Variants in ARFGEF3 observed in about 807,000 individuals in gnomAD.
ARFGEF3 encodes the protein ARFGEF family member 3.
In ARFGEF3, 96 loss-of-function variants were observed where a neutral mutation model predicts 221.7. The observed-to-expected ratio is 0.43, with a 90% CI of 0.37 to 0.51. ARFGEF3 has a LOEUF of 0.51. Ranked by LOEUF, ARFGEF3 falls within the 20% of genes least tolerant of loss-of-function variation. The probability of loss-of-function intolerance (pLI) is 0.00; values close to 1 mark genes in which losing one functional copy is unlikely to be tolerated. For synonymous variants in ARFGEF3, 1,145 were observed against 1,126.8 expected, an observed-to-expected ratio of 1.02 and a Z score of -0.32; for missense variants, 2,410 against 2,789.9, an observed-to-expected ratio of 0.86 and a Z score of 3.07.
At chr6:138,318,889 G>A (rs750111714) in intron 27 of ARFGEF3, among the ~76,000 whole-genome samples, 22 of 152,270 alleles carry the variant, frequency 1.4e-4, no homozygotes, top group East Asian at 1.9e-4. Flanking sequence ...ACTGCTGTAC[G>A]TAAATACAAT....
At chr6:138,199,032 G>T (rs936269593) in intron 2 of ARFGEF3, among the ~76,000 whole-genome samples, 1 of 152,190 alleles carries the variant, frequency 6.6e-6, no homozygotes. Context: ...TTGAGGCCAG[G>T]AGTTTGAGAC....
chr6:138,315,262 G>T (rs141949102), intron 26 of ARFGEF3, among the ~76,000 whole-genome samples: 1 of 152,238 alleles, frequency 6.6e-6, no homozygotes, highest in East Asian at 1.9e-4. Context: ...TTCCAATTAG[G>T]TCCCATGTGA....
intron 31 of ARFGEF3, among the ~76,000 whole-genome samples, chr6:138,325,585 G>A (rs1780112490): frequency 6.6e-6 from 1 of 152,248 alleles, no homozygotes; most frequent in Non-Finnish European, 1.5e-5. Context: ...AGCTGCTGCA[G>A]CAATGGTGTA....
chr6:138,230,358 T>C (rs1778169414), intron 5 of ARFGEF3, among the ~76,000 whole-genome samples: 1 of 152,228 alleles, frequency 6.6e-6, no homozygotes, highest in Non-Finnish European at 1.5e-5. Flanking sequence ...CCTTCCAGCA[T>C]GCCCAAGAAT....
intron 23 of ARFGEF3, among the ~76,000 whole-genome samples, chr6:138,307,873 G>A (rs538978858): frequency 6.6e-6 from 1 of 152,186 alleles, no homozygotes; most frequent in East Asian, 1.9e-4. Flanking sequence ...AGACTCATGG[G>A]ACCCAGCATA....
chr6:138,245,028 G>A (rs571060601), intron 7 of ARFGEF3, among the ~76,000 whole-genome samples: 5 of 152,160 alleles, frequency 3.3e-5, no homozygotes, highest in Admixed American at 1.3e-4. Flanking sequence ...TAAGCCAGGC[G>A]CGGTGGTTCA....
rs375116865 is a variant in ARFGEF3 at position 138,176,690 on chromosome 6, TTTGA to T, written c.137+5981_137+5984del. ...TCATTCCTTTCTCTTCTCTTAATCC[TTTGA>T]TTGCTTTATAAGACCTGTGAGCTTT... On this transcript the variant is annotated intron_variant, in intron 2 of 33. Transcript: ENST00000251691. 9.1e-4 allele frequency among the ~76,000 whole-genome samples: 138 copies of T among 152,338 alleles called. No individual in the cohort carries two copies. The South Asian group carries it at 9.3e-3, about 10-fold the overall frequency.
chr6:138,240,593 C>T lies in ARFGEF3; in HGVS notation c.543+1962C>T, dbSNP rs141604109. Among the ~76,000 whole-genome samples, 244 of 152,252 alleles carry T rather than the reference C, an allele frequency of 1.6e-3. 2 individuals carry two copies. Among genetic ancestry groups the T allele is most frequent in the Non-Finnish European group, 2.1e-3 (141 of 68,026 alleles). Reference sequence around the variant, plus strand: ...AACAGCCTTCTGGTCCTGCTCATCACGGACCATCTGGACTCACCCCAACCG... The same window carrying T: ...AACAGCCTTCTGGTCCTGCTCATCATGGACCATCTGGACTCACCCCAACCG... On this transcript the variant is annotated intron_variant, in intron 6 of 33. Transcript: ENST00000251691.
intron 2 of ARFGEF3, among the ~76,000 whole-genome samples, chr6:138,202,619 T>C (rs563272330): frequency 6.6e-6 from 1 of 152,052 alleles, no homozygotes; most frequent in South Asian, 2.1e-4. Flanking sequence ...CGTTGATTTT[T>C]GTTAGCTGTT....
rs1217565862 is a variant in ARFGEF3, at chr6:138,162,049, C to T, written c.-38C>T. On this transcript the variant is annotated 5_prime_UTR_variant, in exon 1 of 34. Coordinates refer to ENST00000251691, the MANE Select transcript of ARFGEF3 (RefSeq NM_020340.5). This position sits in a 1 kb window ranked among gnomAD's most constrained non-coding sequence, Gnocchi z 4.7. ...CCCGGCCCGGCTCGCCCGCGCTTCT[C>T]TCCCTGTGGGCGGCGGCCCGGCGCC... 6.0e-6 allele frequency: 9 copies of T among 1,509,560 alleles called. No homozygotes were observed. The highest frequency in any genetic ancestry group is 2.7e-5 in the East Asian group (1 of 36,708). 93.5% of individuals were successfully genotyped at this position (1,509,560 alleles called of 1,614,324 possible).
chr6:138,259,324 G>A (rs1425851564), intron 10 of ARFGEF3, among the ~76,000 whole-genome samples: 1 of 152,220 alleles, frequency 6.6e-6, no homozygotes, highest in Non-Finnish European at 1.5e-5. Flanking sequence ...CTGTGTGCCT[G>A]TTGATCAAGG....
chr6:138,263,604 C>T lies in ARFGEF3; in HGVS notation c.2121C>T (p.Phe707=). The T allele has an allele frequency of 6.3e-7, 1 of 1,597,170 alleles. No homozygotes were observed. The highest frequency in any genetic ancestry group is 8.5e-7 in the Non-Finnish European group (1 of 1,171,928). ...DTALQNFAST[F]CSGMMHSPGF... ...CTCTGCAGAACTTTGCCTCTACTTTCTGCTCAGGTTTGTAAACAATTCTCT... is the reference window on the plus strand; with the variant it reads ...CTCTGCAGAACTTTGCCTCTACTTTTTGCTCAGGTTTGTAAACAATTCTCT... The change falls in exon 12 of 34, where the codon TTC becomes TTT. Residue 707 remains phenylalanine (F), a synonymous_variant. Coordinates refer to ENST00000251691, the MANE Select transcript of ARFGEF3 (RefSeq NM_020340.5).
chr6:138,207,961 G>A (rs913325014), intron 3 of ARFGEF3, among the ~76,000 whole-genome samples: 19 of 152,138 alleles, frequency 1.2e-4, no homozygotes, highest in African/African-American at 3.9e-4. Context: ...TGGAATTAAT[G>A]TATATTTTTA....
chr6:138,245,945 G>C (rs1456374388), intron 8 of ARFGEF3, among the ~76,000 whole-genome samples: 1 of 152,142 alleles, frequency 6.6e-6, no homozygotes, highest in Non-Finnish European at 1.5e-5. Context: ...CTGTGTCCCG[G>C]TGCCTGACTC....
chr6:138,181,037 C>A (rs898593547), intron 2 of ARFGEF3, among the ~76,000 whole-genome samples: 1 of 152,292 alleles, frequency 6.6e-6, no homozygotes, highest in South Asian at 2.1e-4. Flanking sequence ...CAACCAGCTG[C>A]GTCTGTGGGC....
chr6:138,291,806 A>G lies in ARFGEF3; in HGVS notation c.3121A>G (p.Ser1041Gly). 6.8e-7 allele frequency: 1 copy of G among 1,479,602 alleles called. No individual in the cohort carries two copies. The highest frequency in any genetic ancestry group is 9.0e-7 in the Non-Finnish European group (1 of 1,114,932). 91.7% of individuals were successfully genotyped at this position (1,479,602 alleles called of 1,614,324 possible). Residue 1041 changes from serine to glycine, a missense_variant, in exon 19 of 34, where the codon AGC (serine) becomes GGC (glycine). Ser to Gly is a moderately conservative substitution (Grantham distance 56). This residue lies in a region of ARFGEF3 where 184 missense variants were observed against 141.8 expected (regional missense o/e 1.30). Coordinates refer to ENST00000251691, the MANE Select transcript of ARFGEF3 (RefSeq NM_020340.5). The surrounding 1 kb of genome is among the most constrained non-coding windows in gnomAD (Gnocchi z 4.5). ...TGCCTCGCAGCCCCCTCTGACCATC[A>G]GCCAGCCCCAGAAGGCCACTGGAAG... The part of the protein sequence containing the change: ...DGASQPPLTI[S>G]QPQKATGSAG...
At chr6:138,314,787 T>C (rs1779890742) in intron 26 of ARFGEF3, among the ~76,000 whole-genome samples, 2 of 152,216 alleles carry the variant, frequency 1.3e-5, no homozygotes. Context: ...GCACTTGCCA[T>C]GAACATGTGA....
intron 3 of ARFGEF3, among the ~76,000 whole-genome samples, chr6:138,209,642 G>T (rs1777684140): frequency 6.6e-6 from 1 of 152,106 alleles, no homozygotes; most frequent in Non-Finnish European, 1.5e-5. Flanking sequence ...TAGAAACGGA[G>T]TTTCACCATG....
In ARFGEF3 at chr6:138,261,610, A is replaced by G; in HGVS notation, c.1188A>G (p.Lys396=). ...AGTCCAGAAAAAGATCAATTTCAAA[A>G]AGAAAGTCTCATCTGGATCTCCTCA... The part of the protein sequence containing the change: ...ESESRKRSIS[K]RKSHLDLLKL... The change falls in exon 11 of 34, where the codon AAA becomes AAG. Residue 396 remains lysine, a synonymous_variant. Transcript: ENST00000251691. 6.4e-7 allele frequency: 1 copy of G among 1,567,440 alleles called. No individual in the cohort carries two copies. The highest frequency in any genetic ancestry group is 8.7e-7 in the Non-Finnish European group (1 of 1,154,470).
Sources: allele counts gnomAD v4.1 joint callset (sites outside exome capture counted in the v4.1 genomes callset), GRCh38; gene constraint gnomAD v4.1.1; regional missense constraint gnomAD v4.1.1; non-coding constraint Gnocchi (gnomAD v3.1); transcripts MANE v1.5; gene names NCBI Gene and HGNC (gene_info 2026-07-23, HGNC 2026-07-21).